Variants in ADAM20 observed in about 807,000 individuals in gnomAD.
The protein encoded by ADAM20 is ADAM metallopeptidase domain 20, also known as disintegrin and metalloproteinase domain-containing protein 20.
For missense variants in ADAM20, 871 were observed against 883.2 expected (o/e 0.99, Z 0.18); for synonymous variants, 305 against 310.2 (o/e 0.98, Z 0.18).
upstream of ADAM20, among the ~76,000 whole-genome samples, chr14:70,538,181 C>T (rs1048043567): frequency 1.5e-4 from 23 of 152,124 alleles, no homozygotes; most frequent in African/African-American, 5.6e-4. Context: ...AATCCCACTC[C>T]TCCTCCTTCT....
the ADAM20 span, among the ~76,000 whole-genome samples, chr14:70,542,800 G>A: frequency 4.6e-5 from 7 of 152,146 alleles, no homozygotes; most frequent in Non-Finnish European, 5.9e-5. Flanking sequence ...TTAGCTGGGC[G>A]TGATAGCAGA....
the ADAM20 span, among the ~76,000 whole-genome samples, chr14:70,553,172 G>A: frequency 5.3e-5 from 3 of 56,608 alleles, no homozygotes; most frequent in Non-Finnish European, 1.0e-4. Context: ...GGTCGGGGGA[G>A]GGGGGAGGGA....
chr14:70,568,166 C>T, the ADAM20 span, among the ~76,000 whole-genome samples: 1 of 152,212 alleles, frequency 6.6e-6, no homozygotes, highest in Non-Finnish European at 1.5e-5. Flanking sequence ...TGCACCTGCA[C>T]TCTCAATCCC....
chr14:70,573,570 A>AT, the ADAM20 span, among the ~76,000 whole-genome samples: 2 of 152,122 alleles, frequency 1.3e-5, no homozygotes, highest in Non-Finnish European at 2.9e-5. Context: ...TGAATTTATA[A>AT]TTTTTTAAAA....
At chr14:70,536,034 G>C (rs1883824400), upstream of ADAM20, among the ~76,000 whole-genome samples, 1 of 152,122 alleles carries the variant, frequency 6.6e-6, no homozygotes, top group African/African-American at 2.4e-5. Context: ...CTTAAGAAAT[G>C]TTAATCAAAT....
chr14:70,539,611 C>G (rs1883904737), upstream of ADAM20, among the ~76,000 whole-genome samples: 1 of 152,192 alleles, frequency 6.6e-6, no homozygotes, highest in East Asian at 1.9e-4. Flanking sequence ...CCAGCTTTTG[C>G]TGCAACTGTT....
At chr14:70,557,095 AATTT>A in the ADAM20 span, 7 of 152,112 alleles carry the variant, frequency 4.6e-5, no homozygotes, top group Non-Finnish European at 1.0e-4. Flanking sequence ...TTCGTCAAAT[AATTT>A]GTGTGAGAGT....
chr14:70,567,988 T>C, the ADAM20 span, among the ~76,000 whole-genome samples: 2 of 152,120 alleles, frequency 1.3e-5, no homozygotes, highest in Admixed American at 6.5e-5. Context: ...CTCTCATGCC[T>C]CCTGTCAACA....
the ADAM20 span, among the ~76,000 whole-genome samples, chr14:70,578,063 A>T: frequency 2.6e-5 from 4 of 152,186 alleles, no homozygotes; most frequent in Non-Finnish European, 1.5e-5. Context: ...ACATCAATGG[A>T]CACTATCAAC....
chr14:70,563,170 T>C, the ADAM20 span, among the ~76,000 whole-genome samples: 1 of 152,100 alleles, frequency 6.6e-6, no homozygotes, highest in African/African-American at 2.4e-5. Flanking sequence ...GATGACCCAT[T>C]TGGCCAGGTC....
the ADAM20 span, among the ~76,000 whole-genome samples, chr14:70,568,272 AC>A: frequency 6.6e-6 from 1 of 152,228 alleles, no homozygotes; most frequent in African/African-American, 2.4e-5. Context: ...CAACCAACGT[AC>A]CCATATACAG....
chr14:70,556,852 A>C, the ADAM20 span: 8 of 152,210 alleles, frequency 5.3e-5, no homozygotes, highest in African/African-American at 1.9e-4. Context: ...ACCTCAAAAA[A>C]CAAAAAGAAA....
the ADAM20 span, among the ~76,000 whole-genome samples, chr14:70,575,985 A>G: frequency 6.6e-6 from 1 of 152,240 alleles, no homozygotes; most frequent in African/African-American, 2.4e-5. Flanking sequence ...GGAAAATACA[A>G]CAGACTAAAG....
the ADAM20 span, among the ~76,000 whole-genome samples, chr14:70,544,250 C>A: frequency 0.11 from 16,672 of 152,182 alleles, 1,367 homozygotes; most frequent in East Asian, 0.49. Context: ...AGGCCAGAAG[C>A]CCCTCTCAGG....
At chr14:70,546,248 CA>C in the ADAM20 span, among the ~76,000 whole-genome samples, 33 of 152,126 alleles carry the variant, frequency 2.2e-4, no homozygotes, top group African/African-American at 8.0e-4. Flanking sequence ...TGTGAACCCC[CA>C]AAATTTGAGA....
upstream of ADAM20, among the ~76,000 whole-genome samples, chr14:70,538,332 G>C (rs541467672): frequency 2.6e-5 from 4 of 152,050 alleles, no homozygotes; most frequent in Non-Finnish European, 5.9e-5. Context: ...GATCTTTCCC[G>C]GAAAATCCCC....
At chr14:70,546,241 G>T in the ADAM20 span, among the ~76,000 whole-genome samples, 1 of 152,170 alleles carries the variant, frequency 6.6e-6, no homozygotes, top group Non-Finnish European at 1.5e-5. Flanking sequence ...TAAGCACTGT[G>T]AACCCCCAAA....
At position 70,531,141 on chromosome 14, in the gene ADAM20, A is replaced by T. The variant is rs183069587; in HGVS notation, c.-177+3656T>A. Among the ~76,000 whole-genome samples the T allele has an allele frequency of 1.4e-3, 210 of 152,316 alleles. 5 individuals carry two copies. Among genetic ancestry groups the T allele is most frequent in the Non-Finnish European group, 8.7e-4 (59 of 68,010 alleles). On this transcript the variant is annotated intron_variant, in intron 1 of 1. Transcript: ENST00000256389. ...AATCAGAAATGAAAAAGGAGACATT[A>T]TAACTAATGACTTAGAAATAAAAAG...
chr14:70,561,531 T>C, the ADAM20 span, among the ~76,000 whole-genome samples: 3 of 152,176 alleles, frequency 2.0e-5, no homozygotes, highest in African/African-American at 7.2e-5. Context: ...GCCAAGACAA[T>C]GGGGAAAATG....
Sources: gnomAD v4.1 joint callset for allele counts (sites outside exome capture counted in the v4.1 genomes callset) on GRCh38, gnomAD v4.1.1 for gene constraint, MANE v1.5 for transcripts, NCBI Gene and HGNC (gene_info 2026-07-23, HGNC 2026-07-21) for gene names.